PRR16: variants seen among roughly 807,000 people sequenced by gnomAD.
PRR16 encodes the protein proline rich 16.
PRR16 carries 6 observed loss-of-function variants against 18.2 expected under a neutral mutation model. The ratio of observed to expected loss-of-function variants is 0.33; its 90% confidence interval spans 0.18 to 0.65. The LOEUF (loss-of-function observed/expected upper bound fraction) is 0.65. Among genes scored for constraint, PRR16 ranks in the 30% least tolerant of loss-of-function variants. The pLI is 0.74. For missense variants in PRR16, 412 were observed against 376.6 expected (o/e 1.09, Z -0.78); for synonymous variants, 151 against 147.8 (o/e 1.02, Z -0.16).
intron 1 of PRR16, among the ~76,000 whole-genome samples, chr5:120,650,534 T>A (rs1391645296): frequency 2.4e-4 from 34 of 144,584 alleles, no homozygotes; most frequent in African/African-American, 8.4e-4. Context: ...TGTGTCCATG[T>A]GTTCTCATTG....
the PRR16 span, among the ~76,000 whole-genome samples, chr5:120,693,104 A>T: frequency 6.6e-6 from 1 of 152,196 alleles, no homozygotes; most frequent in African/African-American, 2.4e-5. Context: ...GACTGTGATG[A>T]TGTAAATTAT....
At chr5:120,710,289 C>T in the PRR16 span, among the ~76,000 whole-genome samples, 2 of 152,048 alleles carry the variant, frequency 1.3e-5, no homozygotes, top group African/African-American at 2.4e-5. Context: ...GTGCATAGTA[C>T]ATACAAGGCT....
intron 1 of PRR16, among the ~76,000 whole-genome samples, chr5:120,666,197 G>C (rs1191432996): frequency 7.4e-6 from 1 of 134,244 alleles, no homozygotes; most frequent in Non-Finnish European, 1.7e-5. Flanking sequence ...TGGATTCCTA[G>C]GTATTTTATT....
At chr5:120,485,603 A>T (rs879922410) in intron 1 of PRR16, among the ~76,000 whole-genome samples, 7 of 152,192 alleles carry the variant, frequency 4.6e-5, no homozygotes, top group Non-Finnish European at 1.0e-4. Context: ...ATGAGTTACT[A>T]GTGGGACTTG....
intron 1 of PRR16, 106 bp from the exon 2 acceptor site, chr5:120,685,848 T>C: frequency 8.8e-7 from 1 of 1,138,706 alleles, no homozygotes; most frequent in Non-Finnish European, 1.2e-6. Context: ...CAGTTCAATA[T>C]CAGTTAAGGC....
At chr5:120,662,849 G>T (rs552942994) in intron 1 of PRR16, among the ~76,000 whole-genome samples, 1 of 152,066 alleles carries the variant, frequency 6.6e-6, no homozygotes, top group Admixed American at 6.6e-5. Flanking sequence ...GACCTTGGGG[G>T]CAGGAATAGG....
At chr5:120,623,260 A>G (rs914688594) in intron 1 of PRR16, among the ~76,000 whole-genome samples, 1 of 152,172 alleles carries the variant, frequency 6.6e-6, no homozygotes, top group Admixed American at 6.6e-5. Flanking sequence ...ACATTAATTA[A>G]TATGAATAAA....
intron 1 of PRR16, among the ~76,000 whole-genome samples, chr5:120,490,183 A>G (rs1159712191): frequency 6.6e-6 from 1 of 152,052 alleles, no homozygotes; most frequent in Non-Finnish European, 1.5e-5. Context: ...TATTGCCTGA[A>G]TCTGAACGTT....
intron 1 of PRR16, among the ~76,000 whole-genome samples, chr5:120,615,583 AAT>A (rs1298747230): frequency 2.6e-5 from 4 of 151,932 alleles, no homozygotes; most frequent in Non-Finnish European, 5.9e-5. Flanking sequence ...TTTAAAGTGA[AAT>A]ATGATTAGAA....
chr5:120,770,703 G>C, the PRR16 span, among the ~76,000 whole-genome samples: 6 of 151,804 alleles, frequency 4.0e-5, no homozygotes, highest in Admixed American at 2.0e-4. Flanking sequence ...AAAAAATATA[G>C]GGAGCACCTA....
intron 1 of PRR16, among the ~76,000 whole-genome samples, chr5:120,660,666 A>G (rs766295740): frequency 9.9e-5 from 15 of 152,002 alleles, no homozygotes; most frequent in Non-Finnish European, 1.8e-4. Context: ...TGTCAAGCCA[A>G]TCTCCTCCAT....
At chr5:120,497,320 G>GT (rs55879751) in intron 1 of PRR16, among the ~76,000 whole-genome samples, 26,327 of 133,074 alleles carry the variant, frequency 0.2, 2,554 homozygotes, top group African/African-American at 0.27. Context: ...CTATAATTGT[G>GT]TTTTTTTTTT....
At chr5:120,520,052 A>C (rs1165555694) in intron 1 of PRR16, among the ~76,000 whole-genome samples, 5 of 152,184 alleles carry the variant, frequency 3.3e-5, no homozygotes, top group African/African-American at 1.2e-4. Flanking sequence ...TGCAGGAATG[A>C]AAGCACAATA....
At chr5:120,468,547 G>A (rs773289231) in intron 1 of PRR16, among the ~76,000 whole-genome samples, 8 of 152,144 alleles carry the variant, frequency 5.3e-5, no homozygotes, top group Non-Finnish European at 1.2e-4. Flanking sequence ...GAGTAGGTGT[G>A]AGTGATACTT....
intron 1 of PRR16, among the ~76,000 whole-genome samples, chr5:120,470,071 A>G (rs1397123448): frequency 1.3e-5 from 2 of 152,184 alleles, no homozygotes; most frequent in African/African-American, 4.8e-5. Flanking sequence ...AATGTAGGAA[A>G]AAAGATAGAA....
chr5:120,615,572 A>G (rs778698164), intron 1 of PRR16, among the ~76,000 whole-genome samples: 9 of 151,860 alleles, frequency 5.9e-5, no homozygotes, highest in Non-Finnish European at 1.0e-4. Context: ...TTCGTTGTAG[A>G]TTTAAAGTGA....
the PRR16 span, among the ~76,000 whole-genome samples, chr5:120,759,341 T>C: frequency 2.6e-5 from 4 of 152,142 alleles, no homozygotes; most frequent in Admixed American, 2.0e-4. Context: ...CCAATAATTT[T>C]AGTGCTATAT....
chr5:120,665,027 G>A lies in PRR16; in HGVS notation c.160-20927G>A, dbSNP rs568283691. 3.8e-3 allele frequency among the ~76,000 whole-genome samples: 574 copies of A among 150,378 alleles called. 2 individuals carry two copies. Among genetic ancestry groups the A allele is most frequent in the Non-Finnish European group, 6.7e-3 (453 of 67,420 alleles). On this transcript the variant is annotated intron_variant, in intron 1 of 1. Coordinates refer to ENST00000407149, the MANE Select transcript of PRR16 (RefSeq NM_001300783.2). The stretch of plus-strand genomic sequence containing the variant: ...TCTAGTTCTAGATCCCTGAGGAATC[G>A]CCACACTGACTTCCACAATGGTTGA...
the PRR16 span, among the ~76,000 whole-genome samples, chr5:120,736,667 A>G: frequency 6.7e-6 from 1 of 149,900 alleles, no homozygotes; most frequent in Non-Finnish European, 1.5e-5. Context: ...GAATGTATAG[A>G]TCACTTTGAG....
Sources: allele counts gnomAD v4.1 joint callset (sites outside exome capture counted in the v4.1 genomes callset), GRCh38; gene constraint gnomAD v4.1.1; transcripts MANE v1.5; gene names NCBI Gene and HGNC (gene_info 2026-07-23, HGNC 2026-07-21).